The following MPPED1 variants were observed in gnomAD, a reference collection of about 807,000 sequenced individuals.
MPPED1 encodes the protein metallophosphoesterase domain-containing protein 1.
A neutral mutation model predicts 36.2 loss-of-function variants in MPPED1; 16 were observed. The ratio of observed to expected loss-of-function variants is 0.44; its 90% CI spans 0.30 to 0.67. MPPED1 has a LOEUF of 0.67. Among genes scored for constraint, MPPED1 ranks in the 30% least tolerant of loss-of-function variants. The pLI, the probability that MPPED1 is intolerant of heterozygous loss-of-function variation, is 0.10. For synonymous variants in MPPED1, 199 were observed against 191.3 expected, an observed-to-expected ratio of 1.04 and a Z score of -0.33; for missense variants, 307 against 453.4, an observed-to-expected ratio of 0.68 and a Z score of 2.93.
intron 3 of MPPED1, among the ~76,000 whole-genome samples, chr22:43,444,201 AC>A (rs1314538006): frequency 4.6e-5 from 7 of 151,950 alleles, no homozygotes; most frequent in Non-Finnish European, 7.4e-5. Flanking sequence ...TAATGTATAA[AC>A]CCCTTGAAAG....
At chr22:43,413,655 T>C (rs1928984104) in intron 1 of MPPED1, among the ~76,000 whole-genome samples, 2 of 152,328 alleles carry the variant, frequency 1.3e-5, no homozygotes, top group East Asian at 3.9e-4. Context: ...CATGATAAAC[T>C]GCGCTTCACC....
chr22:43,412,744 GC>G (rs2146805490), intron 1 of MPPED1, among the ~76,000 whole-genome samples: 1 of 152,046 alleles, frequency 6.6e-6, no homozygotes, highest in East Asian at 1.9e-4. Flanking sequence ...TATGTGCTCG[GC>G]CAGGGGATTC....
intron 2 of MPPED1, among the ~76,000 whole-genome samples, chr22:43,433,656 T>A (rs1929847201): frequency 1.3e-5 from 2 of 152,146 alleles, no homozygotes; most frequent in Admixed American, 1.3e-4. Flanking sequence ...GCTCGGCGCC[T>A]CCGGCTGCGG....
At chr22:43,422,011 G>A (rs1327351487) in intron 1 of MPPED1, among the ~76,000 whole-genome samples, 1 of 152,126 alleles carries the variant, frequency 6.6e-6, no homozygotes, top group African/African-American at 2.4e-5. Context: ...GGGGGCCGGA[G>A]CTGACACATG....
At chr22:43,484,817 G>A (rs1375444598) in intron 4 of MPPED1, among the ~76,000 whole-genome samples, 2 of 152,120 alleles carry the variant, frequency 1.3e-5, no homozygotes, top group African/African-American at 4.8e-5. Context: ...GAGCCAGCTG[G>A]TACGTGCCAT....
At chr22:43,465,468 C>T (rs1931132932) in intron 3 of MPPED1, among the ~76,000 whole-genome samples, 1 of 152,256 alleles carries the variant, frequency 6.6e-6, no homozygotes, top group Non-Finnish European at 1.5e-5. Context: ...GATTCAGTGG[C>T]TGTGTGTTGA....
chr22:43,497,157 AGGT>A (rs1932444156), intron 4 of MPPED1, among the ~76,000 whole-genome samples: 1 of 148,784 alleles, frequency 6.7e-6, no homozygotes, highest in Admixed American at 6.7e-5. Flanking sequence ...CTAGTAATGG[AGGT>A]GGTGGTGGAA....
chr22:43,453,814 T>A (rs1182486881), intron 3 of MPPED1, among the ~76,000 whole-genome samples: 1 of 152,068 alleles, frequency 6.6e-6, no homozygotes, highest in Non-Finnish European at 1.5e-5. Flanking sequence ...CATTGATCAT[T>A]TTAGTCTTTT....
chr22:43,444,922 A>G (rs1237548550), intron 3 of MPPED1, among the ~76,000 whole-genome samples: 1 of 152,200 alleles, frequency 6.6e-6, no homozygotes, highest in Non-Finnish European at 1.5e-5. Context: ...TGGGTAGAAT[A>G]TTGATGATAA....
At chr22:43,428,074 C>T (rs932128058) in intron 2 of MPPED1, among the ~76,000 whole-genome samples, 16 of 152,142 alleles carry the variant, frequency 1.1e-4, no homozygotes, top group African/African-American at 3.4e-4. Context: ...CAGCAGTGAT[C>T]GAAGGCACCC....
chr22:43,472,020 G>A (rs1262212314), intron 3 of MPPED1, among the ~76,000 whole-genome samples: 1 of 152,146 alleles, frequency 6.6e-6, no homozygotes, highest in Non-Finnish European at 1.5e-5. Flanking sequence ...AAGAGTGGGC[G>A]GTACCTTCAA....
chr22:43,497,207 G>A (rs1027235722), intron 4 of MPPED1, among the ~76,000 whole-genome samples: 1 of 151,866 alleles, frequency 6.6e-6, no homozygotes, highest in African/African-American at 2.4e-5. Context: ...GATGGTGGAG[G>A]TGGCGGTGTT....
chr22:43,458,527 G>A (rs189625639), intron 3 of MPPED1, among the ~76,000 whole-genome samples: 8 of 152,060 alleles, frequency 5.3e-5, no homozygotes, highest in East Asian at 1.9e-4. Flanking sequence ...CTCGTGATCC[G>A]CCCGCCTCAG....
chr22:43,434,920 G>A, intron 2 of MPPED1, 114 bp from the exon 3 acceptor site: 1 of 1,155,176 alleles, frequency 8.7e-7, no homozygotes, highest in South Asian at 1.4e-5. Flanking sequence ...TGGTCTGGTG[G>A]ATCTGAGCGG....
intron 4 of MPPED1, among the ~76,000 whole-genome samples, chr22:43,476,653 G>A (rs1046812873): frequency 6.6e-6 from 1 of 152,150 alleles, no homozygotes; most frequent in African/African-American, 2.4e-5. Flanking sequence ...GGAAGGTGGG[G>A]AGGTGCAGGG....
Position 43,474,966 on chromosome 22 carries a change from G to C in MPPED1, c.632+5G>C. On this transcript the variant is annotated splice_donor_5th_base_variant and intron_variant, in intron 4 of 6. Coordinates refer to ENST00000443721, the MANE Select transcript of MPPED1 (RefSeq NM_001044370.2). The surrounding 1 kb of genome is among the most constrained non-coding windows in gnomAD (Gnocchi z 5.2). Reference sequence around the variant, plus strand: ...CCGGATCTATGGCTCCCCATGGTGAGTGGGCCTGGGTGCTGGTCCTGCCTG... The same window carrying C: ...CCGGATCTATGGCTCCCCATGGTGACTGGGCCTGGGTGCTGGTCCTGCCTG... 1 of 1,613,436 alleles carries C rather than the reference G, an allele frequency of 6.2e-7. No individual in the cohort carries two copies. The highest frequency in any genetic ancestry group is 8.5e-7 in the Non-Finnish European group (1 of 1,179,538).
chr22:43,428,428 C>G (rs1000919736), intron 2 of MPPED1, among the ~76,000 whole-genome samples: 1 of 152,194 alleles, frequency 6.6e-6, no homozygotes, highest in African/African-American at 2.4e-5. Flanking sequence ...GCTGCTGCCT[C>G]CCACTGCCCC....
At chr22:43,483,802 A>G (rs1286198132) in intron 4 of MPPED1, among the ~76,000 whole-genome samples, 1 of 152,162 alleles carries the variant, frequency 6.6e-6, no homozygotes, top group Non-Finnish European at 1.5e-5. Context: ...TGTCTGCCTC[A>G]GTCTGTGGGC....
At chr22:43,463,335 T>TTC (rs957597947) in intron 3 of MPPED1, among the ~76,000 whole-genome samples, 1 of 141,416 alleles carries the variant, frequency 7.1e-6, no homozygotes, top group African/African-American at 2.9e-5. Context: ...TTTTTTCTTT[T>TTC]TTTTTTTTTT....
Sources: gnomAD v4.1 joint callset for allele counts (sites outside exome capture counted in the v4.1 genomes callset) on GRCh38, gnomAD v4.1.1 for gene constraint, Gnocchi (gnomAD v3.1) non-coding constraint, MANE v1.5 for transcripts, NCBI Gene and HGNC (gene_info 2026-07-23, HGNC 2026-07-21) for gene names.